The following MEIS2 variants were observed in gnomAD, a reference collection of about 807,000 sequenced individuals.
MEIS2 encodes homeobox protein Meis2.
Under a neutral mutation model 58.6 loss-of-function variants are expected in MEIS2, and 9 were observed. That is an observed-to-expected ratio of 0.15 (90% CI 0.09 to 0.27). The LOEUF (loss-of-function observed/expected upper bound fraction) is 0.27, where lower values mean the gene tolerates loss of function less well. Among genes scored for constraint, MEIS2 ranks in the 10% least tolerant of loss-of-function variants. The pLI is 1.00. For synonymous variants in MEIS2, 221 were observed against 228.4 expected (o/e 0.97, Z 0.29); for missense variants, 427 against 635.0 (o/e 0.67, Z 3.52).
intron 8 of MEIS2, among the ~76,000 whole-genome samples, chr15:37,033,921 G>A (rs2062037764): frequency 6.6e-6 from 1 of 152,166 alleles, no homozygotes; most frequent in Non-Finnish European, 1.5e-5. Flanking sequence ...GGGGTGAAGT[G>A]TGGATGAAGA....
chr15:36,977,500 C>T (rs1029614527), intron 8 of MEIS2, among the ~76,000 whole-genome samples: 1 of 152,090 alleles, frequency 6.6e-6, no homozygotes, highest in Non-Finnish European at 1.5e-5. Context: ...TTGGGTGAGT[C>T]CAGGGATCAT....
intron 9 of MEIS2, among the ~76,000 whole-genome samples, chr15:36,945,415 T>C (rs754657152): frequency 1.3e-5 from 2 of 152,050 alleles, no homozygotes; most frequent in Admixed American, 6.6e-5. Context: ...ACCTACAACA[T>C]GTTTTCACAC....
At chr15:36,970,992 C>A (rs528948618) in intron 8 of MEIS2, among the ~76,000 whole-genome samples, 1 of 151,196 alleles carries the variant, frequency 6.6e-6, no homozygotes, top group African/African-American at 2.4e-5. Flanking sequence ...AGATAAGAAA[C>A]TTTTAGAAGT....
chr15:36,892,274 G>A lies in MEIS2; in HGVS notation c.1333C>T (p.Pro445Ser), dbSNP rs756895354. ...GACATAGTCATTCCAGGGTGGGTAG[G>A]GGGTCCTCCGTGCATCATCATGGCT... ...HPAMMMHGGPPTHPGMTMSAQ... is the reference protein window; with the variant it reads ...HPAMMMHGGPSTHPGMTMSAQ... The change falls in exon 12 of 12, where the codon CCT (proline) becomes TCT (serine). Residue 445 changes from proline to serine, a missense_variant. Physicochemically the swap from Pro to Ser is moderately conservative, Grantham distance 74. Around this residue, in one of 6 missense-constraint regions of MEIS2, gnomAD observed 154 missense variants for 148.1 expected, o/e 1.04. Transcript: ENST00000561208. 8.7e-6 allele frequency: 14 copies of A among 1,613,888 alleles called. No homozygotes were observed. The highest frequency in any genetic ancestry group is 2.2e-5 in the South Asian group (2 of 91,060).
chr15:37,060,794 G>C (rs768360248), intron 7 of MEIS2, among the ~76,000 whole-genome samples: 1 of 152,072 alleles, frequency 6.6e-6, no homozygotes. Flanking sequence ...GCAGGGATTC[G>C]GTACAATTCT....
At chr15:36,987,055 C>G (rs368525392) in intron 8 of MEIS2, among the ~76,000 whole-genome samples, 1 of 152,096 alleles carries the variant, frequency 6.6e-6, no homozygotes, top group African/African-American at 2.4e-5. Context: ...TTCTGGACTA[C>G]AGTACTGCCA....
chr15:36,896,864 G>C (rs755264428), intron 9 of MEIS2, 178 bp from the exon 10 acceptor site: 5 of 589,976 alleles, frequency 8.5e-6, no homozygotes, highest in Non-Finnish European at 1.5e-5. Flanking sequence ...AATCTCCGTC[G>C]TCACTGCGTA....
In MEIS2 at chr15:37,094,475, C is replaced by G. The variant is rs772867947; in HGVS notation, c.489+52G>C. 1.4e-5 allele frequency: 22 copies of G among 1,567,856 alleles called. No homozygotes were observed. The East Asian group carries it at 4.7e-4, about 34-fold the overall frequency. On this transcript the variant is annotated intron_variant, in intron 5 of 11. Coordinates refer to ENST00000561208, the MANE Select transcript of MEIS2 (RefSeq NM_170675.5). ...GTTTGTTAAAAACATCCCAACTCAACTAGGAGAGGGAAATGGTTTAATCAA... is the reference window on the plus strand; with the variant it reads ...GTTTGTTAAAAACATCCCAACTCAAGTAGGAGAGGGAAATGGTTTAATCAA...
intron 9 of MEIS2, among the ~76,000 whole-genome samples, chr15:36,905,663 T>C (rs1206402750): frequency 6.6e-6 from 1 of 152,178 alleles, no homozygotes; most frequent in East Asian, 1.9e-4. Flanking sequence ...ATTTTTAAGG[T>C]CCATAGTAAT....
intron 7 of MEIS2, among the ~76,000 whole-genome samples, chr15:37,056,545 C>A (rs1888429942): frequency 6.6e-6 from 1 of 152,174 alleles, no homozygotes; most frequent in Non-Finnish European, 1.5e-5. Context: ...GCCTGAGCAC[C>A]GGCTCGGCAG....
At chr15:37,096,569 T>G (rs998381929) in intron 2 of MEIS2, 139 bp from the exon 3 acceptor site, 56 of 1,040,166 alleles carry the variant, frequency 5.4e-5, no homozygotes, top group Non-Finnish European at 7.0e-5. Flanking sequence ...TTACAACCCT[T>G]CCTCCATCAG....
chr15:37,098,989 C>A (rs1894750088), intron 1 of MEIS2: 1 of 984,200 alleles, frequency 1.0e-6, no homozygotes, highest in Admixed American at 6.2e-5. Context: ...TAGGCGGCGG[C>A]GCAGCGGCTG....
At chr15:37,076,110 C>A (rs887270942) in intron 7 of MEIS2, among the ~76,000 whole-genome samples, 12 of 151,934 alleles carry the variant, frequency 7.9e-5, no homozygotes, top group African/African-American at 2.9e-4. Context: ...ATATTATTGT[C>A]TGCTGTGACA....
chr15:37,055,354 T>C (rs897135564), intron 7 of MEIS2, among the ~76,000 whole-genome samples: 1 of 152,200 alleles, frequency 6.6e-6, no homozygotes, highest in Admixed American at 6.5e-5. Context: ...GCCTGGCACA[T>C]CATAGGCACT....
intron 10 of MEIS2, 90 bp downstream of exon 10, chr15:36,896,538 C>G: frequency 9.9e-7 from 1 of 1,014,610 alleles, no homozygotes; most frequent in South Asian, 2.3e-5. Flanking sequence ...GGTGGAAGCA[C>G]TTATTTATCA....
intron 9 of MEIS2, among the ~76,000 whole-genome samples, chr15:36,917,378 T>TGAATTAAGAGAA (rs2057326070): frequency 1.3e-5 from 2 of 152,182 alleles, no homozygotes; most frequent in South Asian, 2.1e-4. Context: ...CATTTTAAAG[T>TGAATTAAGAGAA]CTTCAAAATT....
chr15:37,098,334 G>T, intron 1 of MEIS2, 135 bp from the exon 2 acceptor site: 1 of 1,174,846 alleles, frequency 8.5e-7, no homozygotes. Flanking sequence ...AGAGAGGGAG[G>T]GAGGTAAGAG....
intron 8 of MEIS2, among the ~76,000 whole-genome samples, chr15:36,996,935 T>C (rs2060543454): frequency 6.6e-6 from 1 of 152,198 alleles, no homozygotes; most frequent in African/African-American, 2.4e-5. Flanking sequence ...GTTTTACTTG[T>C]CAAGTCCTCT....
At chr15:36,916,968 T>C (rs560824628) in intron 9 of MEIS2, among the ~76,000 whole-genome samples, 13 of 152,278 alleles carry the variant, frequency 8.5e-5, no homozygotes, top group African/African-American at 2.4e-4. Flanking sequence ...AGTTAGTAAG[T>C]GGCAGAAGTG....
Sources: gnomAD v4.1 joint callset for allele counts (sites outside exome capture counted in the v4.1 genomes callset) on GRCh38, gnomAD v4.1.1 for gene constraint, gnomAD v4.1.1 regional missense constraint, MANE v1.5 for transcripts, NCBI Gene and HGNC (gene_info 2026-07-23, HGNC 2026-07-21) for gene names.